SEPTIN9: variants seen among roughly 807,000 people sequenced by gnomAD.
The protein encoded by SEPTIN9 is septin-9.
Under a neutral mutation model 56.6 loss-of-function variants are expected in SEPTIN9, and 13 were observed. The ratio of observed to expected loss-of-function variants is 0.23; its 90% CI spans 0.15 to 0.37. SEPTIN9 has a LOEUF of 0.37. Ranked by LOEUF, SEPTIN9 falls within the 10% of genes least tolerant of loss-of-function variation. SEPTIN9 has a pLI of 1.00. For synonymous variants in SEPTIN9, 332 were observed against 334.1 expected (o/e 0.99, Z 0.07); for missense variants, 650 against 823.1 (o/e 0.79, Z 2.57).
intron 2 of SEPTIN9, among the ~76,000 whole-genome samples, chr17:77,388,930 C>T (rs932049656): frequency 4.1e-5 from 6 of 147,854 alleles, no homozygotes; most frequent in South Asian, 2.1e-4. Context: ...CAGGAATGGT[C>T]ACCGCCTGTG....
intron 2 of SEPTIN9, among the ~76,000 whole-genome samples, chr17:77,336,930 G>T (rs1298672372): frequency 1.3e-5 from 2 of 151,356 alleles, no homozygotes; most frequent in Non-Finnish European, 2.9e-5. Context: ...TGCATCTATG[G>T]AAATGATCAT....
chr17:77,489,871 G>A (rs917820338), intron 7 of SEPTIN9, among the ~76,000 whole-genome samples: 3 of 152,170 alleles, frequency 2.0e-5, no homozygotes, highest in African/African-American at 7.2e-5. Context: ...CAGGCAGAAC[G>A]GCTCACCTGC....
chr17:77,436,659 C>CA lies in SEPTIN9; in HGVS notation c.721+33957dup, dbSNP rs1225304924. Among the ~76,000 whole-genome samples, 1 of 152,256 alleles carries CA rather than the reference C, an allele frequency of 6.6e-6. No individual in the cohort carries two copies. Among genetic ancestry groups the CA allele is most frequent in the Non-Finnish European group, 1.5e-5 (1 of 68,044 alleles). Reference sequence around the variant, plus strand: ...CCTGGCCCCTGGCCCCGGCCACCTACACCTCCTGTTTTGCTGCACTAGCCT... The same window carrying CA: ...CCTGGCCCCTGGCCCCGGCCACCTACAACCTCCTGTTTTGCTGCACTAGCCT... On this transcript the variant is annotated intron_variant, in intron 3 of 11. Transcript: ENST00000427177. This position sits in a 1 kb window ranked among gnomAD's most constrained non-coding sequence, Gnocchi z 4.4.
At chr17:77,413,789 G>A (rs1371456351) in intron 3 of SEPTIN9, among the ~76,000 whole-genome samples, 1 of 151,834 alleles carries the variant, frequency 6.6e-6, no homozygotes, top group East Asian at 1.9e-4. Context: ...AACCAGTCTG[G>A]ACTGCAGCCT....
Position 77,389,084 on chromosome 17 carries a change from C to T in SEPTIN9, c.77-12975C>T, listed in dbSNP as rs374696048. ...ACACGCTCCTCAGGGTCTCCAGGTCCGGGTCCTGGTCCCCGGCAGAGCTTC... is the reference window on the plus strand; with the variant it reads ...ACACGCTCCTCAGGGTCTCCAGGTCTGGGTCCTGGTCCCCGGCAGAGCTTC... On this transcript the variant is annotated intron_variant, in intron 2 of 11. Coordinates refer to ENST00000427177, the MANE Select transcript of SEPTIN9 (RefSeq NM_001113491.2). This position sits in a 1 kb window ranked among gnomAD's most constrained non-coding sequence, Gnocchi z 4.3. 1.9e-4 allele frequency among the ~76,000 whole-genome samples: 29 copies of T among 152,230 alleles called. No homozygotes were observed. In the South Asian group the frequency reaches 3.3e-3, roughly 17 times the overall value.
rs973884215 is a variant in SEPTIN9, at chr17:77,475,100, A to G, written c.722-7044A>G. On this transcript the variant is annotated intron_variant, in intron 3 of 11. Transcript: ENST00000427177. This position sits in a 1 kb window ranked among gnomAD's most constrained non-coding sequence, Gnocchi z 4.6. ...TTCTTCATTTGTTCATTCATTCACC[A>G]GACTTTTTGCCGGGGCTTGCCGTGA... is the stretch of plus-strand genomic sequence containing the variant. 13 of 411,414 alleles carry G rather than the reference A, an allele frequency of 3.2e-5. No individual in the cohort carries two copies. The highest frequency in any genetic ancestry group is 2.5e-4 in the African/African-American group (12 of 47,338). The allele number at this position is 411,414 out of a possible 1,614,324, so 25.5% of individuals were successfully genotyped here.
intron 2 of SEPTIN9, chr17:77,320,384 C>A: frequency 6.3e-7 from 1 of 1,581,170 alleles, no homozygotes; most frequent in South Asian, 1.1e-5. Context: ...GGCCGCCCCC[C>A]ACTGCCCTGG....
Position 77,449,179 on chromosome 17 carries a change from C to T in SEPTIN9, c.722-32965C>T, listed in dbSNP as rs770543019. Among the ~76,000 whole-genome samples the T allele has an allele frequency of 3.3e-5, 5 of 152,086 alleles. No homozygotes were observed. The highest frequency in any genetic ancestry group is 2.6e-4 in the Admixed American group (4 of 15,264). ...CTGGAGGGTTGGACCGAGGGCCAGC[C>T]GAGAAGGCTCTGGGGCTGCTCTACC... On this transcript the variant is annotated intron_variant, in intron 3 of 11. Transcript: ENST00000427177. The surrounding 1 kb of genome is among the most constrained non-coding windows in gnomAD (Gnocchi z 4.6).
rs2036026839 is a variant in SEPTIN9 at position 77,405,224 on chromosome 17, G to C, written c.721+2521G>C. The C allele has an allele frequency of 7.9e-7, 1 of 1,273,488 alleles. No individual in the cohort carries two copies. Among genetic ancestry groups the C allele is most frequent in the African/African-American group, 1.5e-5 (1 of 67,316 alleles). 78.9% of individuals were successfully genotyped at this position (1,273,488 alleles called of 1,614,324 possible). A position where few individuals can be genotyped will look rare whatever the true frequency, so the allele number is the denominator to read the frequency against. ...TAGCCCCTAAATTGTGCCAGAGACT[G>C]TGCCGGGAGCCAGGCCCAGGGACAC... On this transcript the variant is annotated intron_variant, in intron 3 of 11. Coordinates refer to ENST00000427177, the MANE Select transcript of SEPTIN9 (RefSeq NM_001113491.2). The surrounding 1 kb of genome is among the most constrained non-coding windows in gnomAD (Gnocchi z 5.8).
chr17:77,351,270 C>T (rs1289200144), intron 2 of SEPTIN9, among the ~76,000 whole-genome samples: 4 of 144,702 alleles, frequency 2.8e-5, no homozygotes, highest in African/African-American at 1.0e-4. Flanking sequence ...CACACACACA[C>T]GAGTCAGGGG....
chr17:77,349,881 CT>C (rs1175882546), intron 2 of SEPTIN9, among the ~76,000 whole-genome samples: 1 of 152,234 alleles, frequency 6.6e-6, no homozygotes, highest in Non-Finnish European at 1.5e-5. Context: ...CACAAAGCTC[CT>C]GCCCGTGGCC....
Position 77,402,689 on chromosome 17 carries a change from C to G in SEPTIN9, c.707C>G (p.Pro236Arg), listed in dbSNP as rs2035944020. 6.3e-7 allele frequency: 1 copy of G among 1,590,106 alleles called. No homozygotes were observed. Among genetic ancestry groups the G allele is most frequent in the Admixed American group, 1.8e-5 (1 of 55,552 alleles). ...KPQPPVAEAT[P>R]RSQEATEAAP... ...CAGCCCCCTGTGGCTGAGGCTACAC[C>G]CCGGAGCCAGGAGGGTGAGTCGCAG... Residue 236 changes from proline (P) to arginine (R), a missense_variant, in exon 3 of 12, where the codon CCC (proline) becomes CGC (arginine). Coordinates refer to ENST00000427177, the MANE Select transcript of SEPTIN9 (RefSeq NM_001113491.2). The surrounding 1 kb of genome is among the most constrained non-coding windows in gnomAD (Gnocchi z 6.6).
intron 2 of SEPTIN9, among the ~76,000 whole-genome samples, chr17:77,308,113 G>A (rs2032341929): frequency 6.6e-6 from 1 of 152,204 alleles, no homozygotes; most frequent in African/African-American, 2.4e-5. Context: ...CCTCCCCTAG[G>A]AGACGAGGAG....
At chr17:77,360,810 C>G (rs1393391978) in intron 2 of SEPTIN9, among the ~76,000 whole-genome samples, 1 of 152,124 alleles carries the variant, frequency 6.6e-6, no homozygotes, top group Non-Finnish European at 1.5e-5. Flanking sequence ...GCAATCTGCC[C>G]TCCTCGGCCT....
chr17:77,381,460 C>A (rs1031309407), intron 2 of SEPTIN9, among the ~76,000 whole-genome samples: 1 of 150,486 alleles, frequency 6.6e-6, no homozygotes, highest in African/African-American at 2.4e-5. Context: ...CTTGGCCCCG[C>A]TTTCCACGTG....
In SEPTIN9 at chr17:77,499,858, G is replaced by A. The variant is rs2040431532; in HGVS notation, c.*1200G>A. 2.0e-5 allele frequency: 6 copies of A among 298,384 alleles called. No individual in the cohort carries two copies. The South Asian group carries it at 3.1e-4, about 16-fold the overall frequency. 18.5% of individuals were successfully genotyped at this position (298,384 alleles called of 1,614,324 possible). ...CCGTGCCTGGGCCCCTCCCCTCAGA[G>A]CCCATGGTAACGAACCCCTAGAAAG... On this transcript the variant is annotated 3_prime_UTR_variant, in exon 12 of 12. Coordinates refer to ENST00000427177, the MANE Select transcript of SEPTIN9 (RefSeq NM_001113491.2).
rs1598387053 is a variant in SEPTIN9 at position 77,445,770 on chromosome 17, T to C, written c.722-36374T>C. The C allele has an allele frequency of 1.2e-5, 3 of 255,834 alleles. No homozygotes were observed. In the South Asian group the frequency reaches 1.3e-4, roughly 11 times the overall value. 15.8% of individuals were successfully genotyped at this position (255,834 alleles called of 1,614,324 possible). ...CCTTGCTGTGGGATAGGCTGGCCAATGGTGCTCCCTCCCCTGTGACCCTTC... is the reference window on the plus strand; with the variant it reads ...CCTTGCTGTGGGATAGGCTGGCCAACGGTGCTCCCTCCCCTGTGACCCTTC... On this transcript the variant is annotated intron_variant, in intron 3 of 11. Coordinates refer to ENST00000427177, the MANE Select transcript of SEPTIN9 (RefSeq NM_001113491.2). The surrounding 1 kb of genome is among the most constrained non-coding windows in gnomAD (Gnocchi z 4.7).
chr17:77,333,838 T>A (rs903441768), intron 2 of SEPTIN9, among the ~76,000 whole-genome samples: 1 of 152,222 alleles, frequency 6.6e-6, no homozygotes, highest in Non-Finnish European at 1.5e-5. Context: ...TTGTATTTTC[T>A]TGGTGACTTA....
chr17:77,287,916 G>A, intron 1 of SEPTIN9: 2 of 1,041,672 alleles, frequency 1.9e-6, no homozygotes, highest in Non-Finnish European at 2.3e-6. Context: ...GACCCAGGCT[G>A]CCTGCTGTCT....
Sources: allele counts gnomAD v4.1 joint callset (sites outside exome capture counted in the v4.1 genomes callset), GRCh38; gene constraint gnomAD v4.1.1; non-coding constraint Gnocchi (gnomAD v3.1); transcripts MANE v1.5; gene names NCBI Gene and HGNC (gene_info 2026-07-23, HGNC 2026-07-21).